The following SPAG16 variants were observed in gnomAD, a reference collection of about 807,000 sequenced individuals.
The protein encoded by SPAG16 is sperm associated antigen 16.
In SPAG16, 86 loss-of-function variants were observed where a neutral mutation model predicts 80.4. The ratio of observed to expected loss-of-function variants is 1.07; its 90% CI spans 0.90 to 1.28. The LOEUF (loss-of-function observed/expected upper bound fraction) is 1.28, where lower values mean the gene tolerates loss of function less well. SPAG16 is among the 50% of genes most tolerant of loss of function. The probability of loss-of-function intolerance (pLI) is 0.00; values close to 1 mark genes in which losing one functional copy is unlikely to be tolerated. For missense variants in SPAG16, 870 were observed against 765.3 expected (o/e 1.14, Z -1.61); for synonymous variants, 294 against 265.9 (o/e 1.11, Z -1.03).
At chr2:214,409,814 T>C (rs1280994274) in intron 15 of SPAG16, among the ~76,000 whole-genome samples, 1 of 152,230 alleles carries the variant, frequency 6.6e-6, no homozygotes, top group African/African-American at 2.4e-5. Context: ...CCTTGCATAG[T>C]TGCTTTCAAT....
At chr2:213,504,409 T>C (rs1485125799) in intron 10 of SPAG16, among the ~76,000 whole-genome samples, 1 of 152,042 alleles carries the variant, frequency 6.6e-6, no homozygotes, top group African/African-American at 2.4e-5. Flanking sequence ...GGTATTAAAA[T>C]AAAAGAAATT....
chr2:213,991,853 T>C (rs931400282), intron 12 of SPAG16, among the ~76,000 whole-genome samples: 25 of 139,842 alleles, frequency 1.8e-4, no homozygotes, highest in African/African-American at 5.8e-4. Context: ...ATTTTGACAA[T>C]TGAGAGTTTA....
chr2:214,175,776 C>A (rs578192278), intron 15 of SPAG16, among the ~76,000 whole-genome samples: 1 of 151,556 alleles, frequency 6.6e-6, no homozygotes, highest in South Asian at 2.1e-4. Context: ...ACTGATAAAT[C>A]ATTATAATCA....
At chr2:213,856,842 A>G (rs1014506783) in intron 10 of SPAG16, among the ~76,000 whole-genome samples, 3 of 131,982 alleles carry the variant, frequency 2.3e-5, no homozygotes, top group African/African-American at 7.7e-5. Context: ...TCTCCATAAC[A>G]TAAAAGTATG....
At chr2:213,700,974 G>C (rs1183672426) in intron 10 of SPAG16, among the ~76,000 whole-genome samples, 1 of 152,152 alleles carries the variant, frequency 6.6e-6, no homozygotes, top group African/African-American at 2.4e-5. Context: ...AGGCACGGTG[G>C]CTCATGCCTG....
intron 9 of SPAG16, among the ~76,000 whole-genome samples, chr2:213,410,332 C>T (rs1218390384): frequency 6.6e-6 from 1 of 152,206 alleles, no homozygotes; most frequent in Non-Finnish European, 1.5e-5. Context: ...AAGGAACTTA[C>T]CAGGTCAAAG....
intron 15 of SPAG16, 38 bp from the exon 16 acceptor site, chr2:214,410,102 G>A (rs1702216249): frequency 6.2e-7 from 1 of 1,603,098 alleles, no homozygotes; most frequent in Non-Finnish European, 8.5e-7. Context: ...ATAAAACTTT[G>A]ATTCATTCTC....
At chr2:213,334,530 C>T (rs1384524926) in intron 5 of SPAG16, among the ~76,000 whole-genome samples, 1 of 152,102 alleles carries the variant, frequency 6.6e-6, no homozygotes, top group Non-Finnish European at 1.5e-5. Flanking sequence ...GCACTGTTCA[C>T]AATAGCCAGG....
intron 10 of SPAG16, among the ~76,000 whole-genome samples, chr2:213,771,493 T>C (rs2069245903): frequency 6.6e-6 from 1 of 152,208 alleles, no homozygotes; most frequent in Non-Finnish European, 1.5e-5. Context: ...TTTGTTGCAA[T>C]TGCTTCTGGT....
chr2:214,060,834 C>G (rs1275515088), intron 13 of SPAG16, among the ~76,000 whole-genome samples: 1 of 151,960 alleles, frequency 6.6e-6, no homozygotes, highest in Non-Finnish European at 1.5e-5. Context: ...TCAGAAAATT[C>G]CTTCCCAAAA....
At chr2:213,525,532 C>G (rs1421902593) in intron 10 of SPAG16, among the ~76,000 whole-genome samples, 1 of 151,860 alleles carries the variant, frequency 6.6e-6, no homozygotes, top group African/African-American at 2.4e-5. Flanking sequence ...TGTGATCTAC[C>G]CGCCTCGGCC....
intron 12 of SPAG16, among the ~76,000 whole-genome samples, chr2:213,946,407 C>CATATTT (rs2079475325): frequency 3.4e-4 from 51 of 152,142 alleles, no homozygotes; most frequent in African/African-American, 9.4e-4. Flanking sequence ...GCCACTGTGC[C>CATATTT]CGGCCTGTTG....
chr2:213,975,258 A>C (rs2045307350), intron 12 of SPAG16, among the ~76,000 whole-genome samples: 1 of 151,074 alleles, frequency 6.6e-6, no homozygotes, highest in African/African-American at 2.4e-5. Flanking sequence ...TGCCTATAGA[A>C]TATTTACAAC....
intron 10 of SPAG16, among the ~76,000 whole-genome samples, chr2:213,698,010 G>A (rs2065235998): frequency 6.6e-6 from 1 of 151,844 alleles, no homozygotes; most frequent in South Asian, 2.1e-4. Context: ...TTAGTAAACT[G>A]CTTTCAATAT....
In SPAG16 at chr2:213,605,553, G is replaced by A. The variant is rs375899540; in HGVS notation, c.1070+115463G>A. ...TCCCTGGGCTAGTGTGCAATGGCCC[G>A]GTCTCGGCTCACTGCAACCTCCACC... On this transcript the variant is annotated intron_variant, in intron 10 of 15. Coordinates refer to ENST00000331683, the MANE Select transcript of SPAG16 (RefSeq NM_024532.5). 5.9e-5 allele frequency among the ~76,000 whole-genome samples: 9 copies of A among 152,078 alleles called. No individual in the cohort carries two copies. The South Asian group carries it at 6.3e-4, about 11-fold the overall frequency.
chr2:213,548,787 T>C (rs2125936528), intron 10 of SPAG16, among the ~76,000 whole-genome samples: 1 of 152,242 alleles, frequency 6.6e-6, no homozygotes, highest in African/African-American at 2.4e-5. Context: ...CATTTGTCAT[T>C]ATCTTTCGAG....
chr2:213,461,958 A>G (rs2072394512), intron 9 of SPAG16, among the ~76,000 whole-genome samples: 1 of 152,174 alleles, frequency 6.6e-6, no homozygotes, highest in Non-Finnish European at 1.5e-5. Context: ...ACTAAACTAA[A>G]TACAGTGACA....
chr2:214,369,751 T>C (rs2126085774), intron 15 of SPAG16, among the ~76,000 whole-genome samples: 1 of 152,158 alleles, frequency 6.6e-6, no homozygotes, highest in East Asian at 1.9e-4. Flanking sequence ...TCCCCTGCTA[T>C]CTCAGGGGAA....
At chr2:214,059,260 GTATA>G (rs34712920) in intron 13 of SPAG16, among the ~76,000 whole-genome samples, 8 of 132,998 alleles carry the variant, frequency 6.0e-5, no homozygotes, top group Non-Finnish European at 1.1e-4. Flanking sequence ...ATATATGTAT[GTATA>G]TATATATATA....
Sources: gnomAD v4.1 joint callset for allele counts (sites outside exome capture counted in the v4.1 genomes callset) on GRCh38, gnomAD v4.1.1 for gene constraint, MANE v1.5 for transcripts, NCBI Gene and HGNC (gene_info 2026-07-23, HGNC 2026-07-21) for gene names.